Variants in RPS6KA6 observed in about 807,000 individuals in gnomAD.
The protein encoded by RPS6KA6 is ribosomal protein S6 kinase A6.
In RPS6KA6, 27 loss-of-function variants were observed where a neutral mutation model predicts 65.4. The observed-to-expected ratio is 0.41, with a 90% CI of 0.30 to 0.57. The LOEUF (loss-of-function observed/expected upper bound fraction) is 0.57, where lower values mean the gene tolerates loss of function less well. RPS6KA6 is among the 20% of genes least tolerant of loss of function. The probability of loss-of-function intolerance (pLI) is 0.24; values close to 1 mark genes in which losing one functional copy is unlikely to be tolerated. For synonymous variants in RPS6KA6, 190 were observed against 184.2 expected (o/e 1.03, Z -0.26); for missense variants, 486 against 555.6 (o/e 0.87, Z 1.26).
chrX:84,089,124 G>T (rs1472739155), intron 20 of RPS6KA6, among the ~76,000 whole-genome samples: 1 of 111,836 alleles, frequency 8.9e-6, no homozygotes, highest in Non-Finnish European at 1.9e-5. Context: ...CCAGTGAGGA[G>T]AGATGGATTG....
At chrX:84,094,487 T>TA (rs1302094404) in intron 20 of RPS6KA6, among the ~76,000 whole-genome samples, 2 of 106,138 alleles carry the variant, frequency 1.9e-5, no homozygotes, top group Non-Finnish European at 3.9e-5. Flanking sequence ...CTAAAAAAAA[T>TA]AAAAAACATT....
At chrX:84,083,811 T>G (rs899596452) in intron 20 of RPS6KA6, among the ~76,000 whole-genome samples, 2 of 112,303 alleles carry the variant, frequency 1.8e-5, no homozygotes, top group African/African-American at 6.5e-5. Context: ...TCTTCCATAA[T>G]GGTTGAACAA....
rs753813860 is a variant in RPS6KA6 at position 84,104,759 on chromosome X, C to T, written c.1456-102G>A. The T allele has an allele frequency of 3.9e-5, 20 of 514,690 alleles. No homozygotes were observed. The South Asian group carries it at 1.0e-3, about 26-fold the overall frequency. 42.4% of individuals were successfully genotyped at this position (514,690 alleles called of 1,213,427 possible). A position where few individuals can be genotyped will look rare whatever the true frequency, so the allele number is the denominator to read the frequency against. On this transcript the variant is annotated intron_variant, in intron 16 of 21. Transcript: ENST00000262752. Reference sequence around the variant, plus strand: ...ATTTACCTTTCTACTAGACTTCCCTCTAGTATTAGAAACAAAAAAGACATT... The same window carrying T: ...ATTTACCTTTCTACTAGACTTCCCTTTAGTATTAGAAACAAAAAAGACATT...
Position 84,117,083 on chromosome X carries a change from T to C in RPS6KA6, c.926A>G (p.Lys309Arg). 1 of 1,184,189 alleles carries C rather than the reference T, an allele frequency of 8.4e-7. No individual in the cohort carries two copies. The highest frequency in any genetic ancestry group is 1.1e-6 in the Non-Finnish European group (1 of 879,336). The change falls in exon 11 of 22, where the codon AAA becomes AGA. Residue 309 changes from lysine to arginine, a missense_variant. Lys to Arg is a conservative substitution (Grantham distance 26). This residue lies in a region of RPS6KA6 where 345 missense variants were observed against 375.0 expected (regional missense o/e 0.92). Transcript: ENST00000262752. ...ACCCAATCTATTTGCTGGATTCCTT[T>C]TGAATAACATCCTTAGAAGACTTTG... is the stretch of plus-strand genomic sequence containing the variant. ...EAQSLLRMLF[K>R]RNPANRLGSE...
At chrX:84,126,373 T>C (rs1183576110) in intron 8 of RPS6KA6, among the ~76,000 whole-genome samples, 1 of 111,049 alleles carries the variant, frequency 9.0e-6, no homozygotes, top group Non-Finnish European at 1.9e-5. Flanking sequence ...TAAAGAGGGA[T>C]ATAGAACTCA....
Position 84,064,095 on chromosome X carries a change from A to C in RPS6KA6, c.*182T>G. 3 of 467,744 alleles carry C rather than the reference A, an allele frequency of 6.4e-6. No individual in the cohort carries two copies. The highest frequency in any genetic ancestry group is 1.0e-5 in the Non-Finnish European group (3 of 291,256). 38.5% of individuals were successfully genotyped at this position (467,744 alleles called of 1,213,427 possible). ...AACACTTGAACACTACTGCAAACAC[A>C]TAGTATGAATATTGTGGACCTGTGA... On this transcript the variant is annotated 3_prime_UTR_variant, in exon 22 of 22. Transcript: ENST00000262752.
At chrX:84,081,161 C>CA (rs952963086) in intron 20 of RPS6KA6, among the ~76,000 whole-genome samples, 3 of 111,332 alleles carry the variant, frequency 2.7e-5, no homozygotes, top group Non-Finnish European at 3.8e-5. Flanking sequence ...GAAAACCCTT[C>CA]AAAAAATCAA....
At chrX:84,103,270 C>T (rs946884920) in intron 17 of RPS6KA6, among the ~76,000 whole-genome samples, 4 of 110,486 alleles carry the variant, frequency 3.6e-5, no homozygotes, top group African/African-American at 1.3e-4. Flanking sequence ...CATAATGATC[C>T]TCAACAAAGT....
intron 3 of RPS6KA6, 146 bp from the exon 4 acceptor site, chrX:84,148,269 TAGTG>T (rs1416093774): frequency 5.3e-6 from 2 of 377,823 alleles, no homozygotes; most frequent in African/African-American, 5.2e-5. Context: ...AAGGGAGAGA[TAGTG>T]AGAGATTTGT....
At chrX:84,186,178 C>T (rs2035925814) in intron 1 of RPS6KA6, 1 of 476,733 alleles carries the variant, frequency 2.1e-6, no homozygotes. Context: ...ATACTGCAAA[C>T]AATAAAAAAA....
intron 8 of RPS6KA6, among the ~76,000 whole-genome samples, chrX:84,125,404 T>C (rs1038627494): frequency 9.0e-6 from 1 of 111,542 alleles, no homozygotes; most frequent in Non-Finnish European, 1.9e-5. Flanking sequence ...AGTGGGGGGA[T>C]GAATTCAAAG....
At chrX:84,125,552 T>A (rs1031324370) in intron 8 of RPS6KA6, among the ~76,000 whole-genome samples, 2 of 111,053 alleles carry the variant, frequency 1.8e-5, no homozygotes, top group Non-Finnish European at 3.8e-5. Flanking sequence ...ACAACAGATA[T>A]GCAAAAAATA....
intron 1 of RPS6KA6, among the ~76,000 whole-genome samples, chrX:84,171,693 T>C (rs764072664): frequency 8.9e-6 from 1 of 111,968 alleles, no homozygotes; most frequent in Non-Finnish European, 1.9e-5. Flanking sequence ...TTTTAAGTTC[T>C]GGGATACATG....
chrX:84,185,630 C>T (rs977141435), intron 1 of RPS6KA6, among the ~76,000 whole-genome samples: 2 of 111,610 alleles, frequency 1.8e-5, no homozygotes, highest in Non-Finnish European at 3.8e-5. Flanking sequence ...TTAATCTTAC[C>T]AGATTCAACA....
intron 20 of RPS6KA6, among the ~76,000 whole-genome samples, chrX:84,084,271 T>C (rs192589497): frequency 1.8e-5 from 2 of 112,406 alleles, no homozygotes. Context: ...ATTTTTGTCA[T>C]TGAAATCTTT....
chrX:84,176,418 C>T (rs1285757341), intron 1 of RPS6KA6, among the ~76,000 whole-genome samples: 1 of 111,849 alleles, frequency 8.9e-6, no homozygotes, highest in African/African-American at 3.2e-5. Context: ...CTGTTGTAAC[C>T]TCTTCAAGAT....
intron 3 of RPS6KA6, among the ~76,000 whole-genome samples, chrX:84,150,886 T>TATATATAG (rs2035294723): frequency 2.2e-5 from 2 of 89,223 alleles, no homozygotes; most frequent in Admixed American, 1.4e-4. Flanking sequence ...TATATATATA[T>TATATATAG]AGAGGATATA....
intron 1 of RPS6KA6, among the ~76,000 whole-genome samples, chrX:84,178,828 G>T (rs1304217707): frequency 9.1e-6 from 1 of 110,272 alleles, no homozygotes; most frequent in Non-Finnish European, 1.9e-5. Context: ...AAAACTTCTA[G>T]AAGAAAACTT....
intron 3 of RPS6KA6, among the ~76,000 whole-genome samples, chrX:84,154,940 C>G (rs2035390445): frequency 8.9e-6 from 1 of 112,033 alleles, no homozygotes; most frequent in African/African-American, 3.2e-5. Context: ...ACTGAGCGTT[C>G]AATAAATGTC....
Sources: allele counts gnomAD v4.1 joint callset (sites outside exome capture counted in the v4.1 genomes callset), GRCh38; gene constraint gnomAD v4.1.1; regional missense constraint gnomAD v4.1.1; transcripts MANE v1.5; gene names NCBI Gene and HGNC (gene_info 2026-07-23, HGNC 2026-07-21).